Variants in GRIK2 observed in about 807,000 individuals in gnomAD.
GRIK2 encodes the protein glutamate ionotropic receptor kainate type subunit 2.
Under a neutral mutation model 100.3 loss-of-function variants are expected in GRIK2, and 32 were observed. The ratio of observed to expected loss-of-function variants is 0.32; its 90% CI spans 0.24 to 0.43. The LOEUF (loss-of-function observed/expected upper bound fraction) is 0.43, where lower values mean the gene tolerates loss of function less well. Ranked by LOEUF, GRIK2 falls within the 20% of genes least tolerant of loss-of-function variation. GRIK2 has a pLI of 1.00. For synonymous variants in GRIK2, 417 were observed against 389.4 expected (o/e 1.07, Z -0.83); for missense variants, 843 against 1,114.9 (o/e 0.76, Z 3.47).
At chr6:101,579,895 G>T (rs1463630121) in intron 2 of GRIK2, among the ~76,000 whole-genome samples, 1 of 149,384 alleles carries the variant, frequency 6.7e-6, no homozygotes, top group South Asian at 2.1e-4. Flanking sequence ...CCTTTCTTCT[G>T]GAAACATTGT....
At chr6:101,775,743 C>CAT (rs1410784789) in intron 7 of GRIK2, among the ~76,000 whole-genome samples, 2 of 150,458 alleles carry the variant, frequency 1.3e-5, no homozygotes, top group Non-Finnish European at 1.5e-5. Context: ...CAGATTTCTT[C>CAT]ATATATATAT....
At chr6:101,856,112 T>C (rs1434714695) in intron 10 of GRIK2, among the ~76,000 whole-genome samples, 1 of 152,152 alleles carries the variant, frequency 6.6e-6, no homozygotes, top group Non-Finnish European at 1.5e-5. Flanking sequence ...ATGTTGAATG[T>C]TATTCTAAAC....
intron 7 of GRIK2, among the ~76,000 whole-genome samples, chr6:101,772,835 C>T (rs1041699231): frequency 2.0e-5 from 3 of 151,950 alleles, no homozygotes; most frequent in Admixed American, 2.0e-4. Context: ...CTTCTATTAC[C>T]CTGCATATGG....
At chr6:101,451,036 A>G (rs1358126497) in intron 2 of GRIK2, among the ~76,000 whole-genome samples, 1 of 151,496 alleles carries the variant, frequency 6.6e-6, no homozygotes, top group Non-Finnish European at 1.5e-5. Flanking sequence ...TTCCCGCTCT[A>G]TTTTTTCATG....
chr6:102,034,478 GTATAA>G (rs1770159923), intron 14 of GRIK2, among the ~76,000 whole-genome samples: 1 of 151,316 alleles, frequency 6.6e-6, no homozygotes, highest in Non-Finnish European at 1.5e-5. Context: ...TTTGGTATTT[GTATAA>G]TATAATAATT....
intron 2 of GRIK2, among the ~76,000 whole-genome samples, chr6:101,412,784 A>T (rs1256099942): frequency 2.0e-5 from 3 of 151,926 alleles, no homozygotes; most frequent in Non-Finnish European, 4.4e-5. Context: ...TTACATTCAT[A>T]TATATTCATC....
intron 4 of GRIK2, among the ~76,000 whole-genome samples, chr6:101,664,037 C>T (rs1769829471): frequency 6.6e-6 from 1 of 152,124 alleles, no homozygotes; most frequent in Non-Finnish European, 1.5e-5. Context: ...ATTAAGGTAA[C>T]AGAGGAAAAG....
intron 10 of GRIK2, among the ~76,000 whole-genome samples, chr6:101,832,908 G>A (rs951805755): frequency 3.9e-5 from 6 of 152,046 alleles, no homozygotes; most frequent in Admixed American, 2.0e-4. Context: ...TCAACTTTCC[G>A]ATGAAATTCT....
chr6:101,593,384 A>C (rs559187781), intron 2 of GRIK2, among the ~76,000 whole-genome samples: 159 of 151,934 alleles, frequency 1.0e-3, no homozygotes, highest in Non-Finnish European at 1.6e-3. Context: ...TGAGCATCAT[A>C]ATAATAATAA....
intron 7 of GRIK2, among the ~76,000 whole-genome samples, chr6:101,764,213 T>C (rs80226065): frequency 7.9e-4 from 120 of 152,256 alleles, no homozygotes; most frequent in Admixed American, 1.5e-3. Flanking sequence ...ATCCTTCTCA[T>C]AAATTTATGA....
chr6:101,431,470 C>T (rs1457661513), intron 2 of GRIK2: 1 of 152,166 alleles, frequency 6.6e-6, no homozygotes, highest in African/African-American at 2.4e-5. Flanking sequence ...GCGTCATCCC[C>T]AGCAAAGCCG....
intron 14 of GRIK2, among the ~76,000 whole-genome samples, chr6:101,995,426 C>G (rs917082039): frequency 6.6e-6 from 1 of 151,784 alleles, no homozygotes; most frequent in Non-Finnish European, 1.5e-5. Flanking sequence ...TTTTTGAAGG[C>G]AATGTATTTC....
chr6:101,539,108 C>T (rs978440608), intron 2 of GRIK2, among the ~76,000 whole-genome samples: 1 of 151,648 alleles, frequency 6.6e-6, no homozygotes, highest in Non-Finnish European at 1.5e-5. Context: ...AGAAATTGAA[C>T]TGTCACTTCA....
At chr6:102,037,107 A>T (rs1035284275) in intron 15 of GRIK2, among the ~76,000 whole-genome samples, 5 of 151,422 alleles carry the variant, frequency 3.3e-5, no homozygotes, top group African/African-American at 9.6e-5. Context: ...ATTATGGTTT[A>T]AAAAAAGCTC....
At chr6:101,623,160 G>T (rs1780247095) in intron 3 of GRIK2, among the ~76,000 whole-genome samples, 1 of 151,872 alleles carries the variant, frequency 6.6e-6, no homozygotes, top group South Asian at 2.1e-4. Flanking sequence ...ATAATTCCAG[G>T]TTAGTGCAAA....
chr6:101,422,618 G>C (rs1419683073), intron 2 of GRIK2, among the ~76,000 whole-genome samples: 2 of 151,352 alleles, frequency 1.3e-5, no homozygotes, highest in Non-Finnish European at 2.9e-5. Context: ...TTATTAGAAG[G>C]AAATACTCCC....
rs559277470 is a variant in GRIK2, at chr6:101,537,455, C to CGTGT, written c.116-84475_116-84472dup. On this transcript the variant is annotated intron_variant, in intron 2 of 16. Coordinates refer to ENST00000369134, the MANE Select transcript of GRIK2 (RefSeq NM_021956.5). ...GTGTGTGTGTGTTTGTGTGTGTGTG[C>CGTGT]GTGTGTGTGTGTGTGTGTGTGTTTA... Among the ~76,000 whole-genome samples, 645 of 130,594 alleles carry CGTGT rather than the reference C, an allele frequency of 4.9e-3. 3 individuals are homozygous for CGTGT. The highest frequency in any genetic ancestry group is 7.1e-3 in the Non-Finnish European group (438 of 61,562). 85.7% of individuals were successfully genotyped at this position (130,594 alleles called of 152,430 possible). A position where few individuals can be genotyped will look rare whatever the true frequency, so the allele number is the denominator to read the frequency against.
At chr6:101,746,159 G>GT (rs1022019191) in intron 7 of GRIK2, among the ~76,000 whole-genome samples, 4 of 152,210 alleles carry the variant, frequency 2.6e-5, no homozygotes, top group African/African-American at 4.8e-5. Context: ...ATTGAGTACT[G>GT]TTTTTTCTGT....
chr6:101,857,786 CTTAG>C (rs918597965), intron 10 of GRIK2, among the ~76,000 whole-genome samples: 1 of 152,186 alleles, frequency 6.6e-6, no homozygotes, highest in Non-Finnish European at 1.5e-5. Flanking sequence ...TCTTTTTGCA[CTTAG>C]TTAAACATAC....
Sources: gnomAD v4.1 joint callset for allele counts (sites outside exome capture counted in the v4.1 genomes callset) on GRCh38, gnomAD v4.1.1 for gene constraint, MANE v1.5 for transcripts, NCBI Gene and HGNC (gene_info 2026-07-23, HGNC 2026-07-21) for gene names.